Variants in CHST9 observed in about 807,000 individuals in gnomAD.
CHST9 encodes GalNAc-4-sulfotransferase 2.
A neutral mutation model predicts 44.4 loss-of-function variants in CHST9; 41 were observed. That is an observed-to-expected ratio of 0.92 (90% CI 0.72 to 1.20). The LOEUF (loss-of-function observed/expected upper bound fraction) is 1.20. Ranked by LOEUF, CHST9 falls within the 50% of genes most tolerant of loss-of-function variation. CHST9 has a pLI of 0.00. For synonymous variants in CHST9, 171 were observed against 178.4 expected (o/e 0.96, Z 0.33); for missense variants, 504 against 516.5 (o/e 0.98, Z 0.23).
intron 4 of CHST9, among the ~76,000 whole-genome samples, chr18:26,978,687 C>T (rs2056655241): frequency 6.6e-6 from 1 of 152,190 alleles, no homozygotes; most frequent in African/African-American, 2.4e-5. Context: ...GAAACTTCAT[C>T]TAAGTCTTAG....
chr18:27,101,098 C>T (rs986243738), intron 2 of CHST9, among the ~76,000 whole-genome samples: 1 of 152,124 alleles, frequency 6.6e-6, no homozygotes, highest in African/African-American at 2.4e-5. Flanking sequence ...GTTCTGCACA[C>T]CCTAATCTGT....
At chr18:27,157,624 C>T (rs192518068) in intron 1 of CHST9, among the ~76,000 whole-genome samples, 32 of 152,114 alleles carry the variant, frequency 2.1e-4, no homozygotes, top group Admixed American at 1.7e-3. Context: ...GTATAGGAAG[C>T]GCTTAAGGCA....
chr18:27,180,451 T>C (rs1466523438), intron 1 of CHST9, among the ~76,000 whole-genome samples: 1 of 152,136 alleles, frequency 6.6e-6, no homozygotes, highest in African/African-American at 2.4e-5. Context: ...GGGTCAAGGA[T>C]CACAGTCTGG....
chr18:26,969,372 CTCTCTGTGTGTGTGTGTGTG>C (rs1172558001), intron 4 of CHST9, among the ~76,000 whole-genome samples: 1 of 122,006 alleles, frequency 8.2e-6, no homozygotes, highest in Non-Finnish European at 1.8e-5. Flanking sequence ...CTCTCTCTCT[CTCTCTGTGTGTGTGTGTGTG>C]TGTGTGTGTG....
intron 4 of CHST9, among the ~76,000 whole-genome samples, chr18:26,996,613 C>T (rs780947743): frequency 2.0e-5 from 3 of 152,196 alleles, no homozygotes; most frequent in Middle Eastern, 3.4e-3. Flanking sequence ...GGCAGGAAGG[C>T]GGATACCTGC....
intron 1 of CHST9, among the ~76,000 whole-genome samples, chr18:27,167,969 G>A (rs550056120): frequency 2.6e-5 from 4 of 152,248 alleles, no homozygotes; most frequent in Non-Finnish European, 5.9e-5. Flanking sequence ...GGTCTAGAAT[G>A]AGCTTAGAAA....
chr18:27,107,383 T>A (rs7240658), intron 2 of CHST9, among the ~76,000 whole-genome samples: 58,365 of 152,026 alleles, frequency 0.38, 12,150 homozygotes, highest in Non-Finnish European at 0.47. Flanking sequence ...CATTGTATAG[T>A]GTGACTGCTT....
At position 27,162,656 on chromosome 18, in the gene CHST9, G is replaced by A. The variant is rs114960819; in HGVS notation, c.-96-19751C>T. Among the ~76,000 whole-genome samples, 1,201 of 152,280 alleles carry A rather than the reference G, an allele frequency of 7.9e-3. 19 individuals carry two copies. Among genetic ancestry groups the A allele is most frequent in the African/African-American group, 0.028 (1,143 of 41,534 alleles). ...ATTTCCTGAAACTGAAAGTTGGCCT[G>A]CCTTGCTAGATCCTTTAAGGACTTC... is the stretch of plus-strand genomic sequence containing the variant. On this transcript the variant is annotated intron_variant, in intron 1 of 5. Transcript: ENST00000618847.
intron 1 of CHST9, among the ~76,000 whole-genome samples, chr18:27,159,544 A>G (rs941007439): frequency 2.0e-5 from 3 of 152,190 alleles, no homozygotes; most frequent in African/African-American, 7.2e-5. Context: ...AGGTAGCGTG[A>G]TGCCTCCAGC....
chr18:27,125,211 A>T (rs968495050), intron 2 of CHST9, among the ~76,000 whole-genome samples: 2 of 152,234 alleles, frequency 1.3e-5, no homozygotes, highest in African/African-American at 4.8e-5. Context: ...TAAGAAATGT[A>T]AAACTGTGAG....
chr18:27,080,168 A>G lies in CHST9; in HGVS notation c.122-31665T>C, dbSNP rs572347302. ...ATCTAGGCAGGAGCTGGCAAATACT[A>G]AAATGACCATAAAACAAGGTAGAGG... On this transcript the variant is annotated intron_variant, in intron 2 of 5. Transcript: ENST00000618847. Among the ~76,000 whole-genome samples, 5 of 152,236 alleles carry G rather than the reference A, an allele frequency of 3.3e-5. No homozygotes were observed. In the East Asian group the frequency reaches 9.7e-4, roughly 29 times the overall value.
At chr18:27,002,134 C>A (rs1369382458) in intron 4 of CHST9, among the ~76,000 whole-genome samples, 1 of 151,984 alleles carries the variant, frequency 6.6e-6, no homozygotes, top group Non-Finnish European at 1.5e-5. Context: ...CCAGGACCCA[C>A]AGCTTGAGAA....
intron 2 of CHST9, among the ~76,000 whole-genome samples, chr18:27,119,940 T>C (rs536588604): frequency 2.2e-4 from 33 of 152,242 alleles, no homozygotes; most frequent in African/African-American, 7.7e-4. Context: ...AGACTGACTA[T>C]AAGTCACACA....
intron 2 of CHST9, among the ~76,000 whole-genome samples, chr18:27,058,551 C>T (rs2057685000): frequency 6.6e-6 from 1 of 152,108 alleles, no homozygotes; most frequent in Non-Finnish European, 1.5e-5. Context: ...TAAAAACGTG[C>T]TCCAGACACC....
At chr18:26,972,089 G>A (rs2056552703) in intron 4 of CHST9, among the ~76,000 whole-genome samples, 1 of 152,078 alleles carries the variant, frequency 6.6e-6, no homozygotes. Flanking sequence ...AGACGCCGTG[G>A]CTCACGTCTG....
At chr18:27,146,689 T>C (rs532299780) in intron 1 of CHST9, among the ~76,000 whole-genome samples, 1 of 152,318 alleles carries the variant, frequency 6.6e-6, no homozygotes, top group South Asian at 2.1e-4. Flanking sequence ...ACTTAAAAAC[T>C]TGTTGCATTG....
rs1039937726 is a variant in CHST9 at position 27,149,498 on chromosome 18, G to T, written c.-96-6593C>A. 1.4e-3 allele frequency among the ~76,000 whole-genome samples: 218 copies of T among 151,942 alleles called. 1 individual carries two copies. The highest frequency in any genetic ancestry group is 6.8e-3 in the Middle Eastern group (2 of 292). ...TTGCTATTGTGAATAGTGTTGCAAT[G>T]AACAAACATGTGCATGTGTCTTTAT... On this transcript the variant is annotated intron_variant, in intron 1 of 5. Coordinates refer to ENST00000618847, the MANE Select transcript of CHST9 (RefSeq NM_031422.6).
rs1256672577 is a variant in CHST9, at chr18:27,146,466, G to A, written c.-96-3561C>T. 2.6e-5 allele frequency among the ~76,000 whole-genome samples: 4 copies of A among 152,194 alleles called. No homozygotes were observed. The East Asian group carries it at 7.7e-4, about 29-fold the overall frequency. On this transcript the variant is annotated intron_variant, in intron 1 of 5. Coordinates refer to ENST00000618847, the MANE Select transcript of CHST9 (RefSeq NM_031422.6). ...CAGGATTGCTTTAAGCAAACCTGAA[G>A]GTCAGCTGTGATGGGAAAACACACC...
chr18:27,120,311 A>C (rs1306433227), intron 2 of CHST9, among the ~76,000 whole-genome samples: 2 of 152,208 alleles, frequency 1.3e-5, no homozygotes, highest in African/African-American at 4.8e-5. Context: ...CTCTTTCCTG[A>C]TGACCCAGTA....
Sources: allele counts gnomAD v4.1 joint callset (sites outside exome capture counted in the v4.1 genomes callset), GRCh38; gene constraint gnomAD v4.1.1; transcripts MANE v1.5; gene names NCBI Gene and HGNC (gene_info 2026-07-23, HGNC 2026-07-21).